Variants in NAALADL2 observed in about 807,000 individuals in gnomAD.
NAALADL2 encodes inactive N-acetylated-alpha-linked acidic dipeptidase-like protein 2.
Under a neutral mutation model 87.2 loss-of-function variants are expected in NAALADL2, and 76 were observed. The ratio of observed to expected loss-of-function variants is 0.87; its 90% CI spans 0.72 to 1.05. NAALADL2 has a LOEUF of 1.05. NAALADL2 is among the 50% of genes least tolerant of loss of function. NAALADL2 has a pLI of 0.00. For synonymous variants in NAALADL2, 354 were observed against 331.0 expected, an observed-to-expected ratio of 1.07 and a Z score of -0.75; for missense variants, 1,089 against 945.8, an observed-to-expected ratio of 1.15 and a Z score of -1.99.
chr3:174,497,061 G>C (rs1317044010), intron 1 of NAALADL2, among the ~76,000 whole-genome samples: 5 of 152,048 alleles, frequency 3.3e-5, no homozygotes, highest in Admixed American at 2.6e-4. Flanking sequence ...TTCCTAACTA[G>C]AGTCTTGTAG....
chr3:175,306,997 C>T (rs1262151719), intron 4 of NAALADL2, among the ~76,000 whole-genome samples: 1 of 152,122 alleles, frequency 6.6e-6, no homozygotes, highest in Non-Finnish European at 1.5e-5. Context: ...TCCTCATGTA[C>T]AAGAATTGGA....
intron 2 of NAALADL2, among the ~76,000 whole-genome samples, chr3:174,562,277 A>T (rs1244158730): frequency 6.6e-6 from 1 of 152,202 alleles, no homozygotes; most frequent in Non-Finnish European, 1.5e-5. Flanking sequence ...ACCTATTCAT[A>T]CAAGTTTGAT....
At chr3:175,641,972 G>C (rs1044878543) in intron 11 of NAALADL2, among the ~76,000 whole-genome samples, 1 of 152,060 alleles carries the variant, frequency 6.6e-6, no homozygotes, top group Non-Finnish European at 1.5e-5. Context: ...ACAAAAGAAA[G>C]TATACAGCAT....
chr3:175,483,341 T>A (rs1453632303), intron 9 of NAALADL2, among the ~76,000 whole-genome samples: 1 of 150,444 alleles, frequency 6.6e-6, no homozygotes, highest in Non-Finnish European at 1.5e-5. Flanking sequence ...TTTTTTTTTT[T>A]AACTTTCCTT....
Position 175,086,986 on chromosome 3 carries a change from TTA to T in NAALADL2, c.44-9802_44-9801del, listed in dbSNP as rs550723237. ...GAATTTTGTATTATTGAAAGAATAA[TTA>T]TGTTACTTTTTTCAGATAAAATTCT... is the stretch of plus-strand genomic sequence containing the variant. On this transcript the variant is annotated intron_variant, in intron 1 of 13. Coordinates refer to ENST00000454872, the MANE Select transcript of NAALADL2 (RefSeq NM_207015.3). 2.3e-3 allele frequency among the ~76,000 whole-genome samples: 343 copies of T among 152,246 alleles called. 3 individuals are homozygous for T. The highest frequency in any genetic ancestry group is 7.8e-3 in the African/African-American group (325 of 41,562).
intron 1 of NAALADL2, among the ~76,000 whole-genome samples, chr3:174,452,007 TA>T (rs945578277): frequency 4.7e-4 from 65 of 137,870 alleles, no homozygotes; most frequent in South Asian, 2.7e-4. Context: ...CATGCCTGGC[TA>T]ATTTTTTTTT....
At chr3:174,659,076 A>T (rs1277515263) in intron 2 of NAALADL2, among the ~76,000 whole-genome samples, 1 of 152,148 alleles carries the variant, frequency 6.6e-6, no homozygotes, top group Non-Finnish European at 1.5e-5. Flanking sequence ...GTAGTGATTA[A>T]TACTAATGTT....
At chr3:174,552,269 G>T (rs1394747211) in intron 2 of NAALADL2, among the ~76,000 whole-genome samples, 1 of 152,138 alleles carries the variant, frequency 6.6e-6, no homozygotes. Flanking sequence ...TACAATTCAG[G>T]AAGGTAATGC....
chr3:175,457,347 C>A (rs73884411), intron 6 of NAALADL2, among the ~76,000 whole-genome samples: 3,421 of 152,102 alleles, frequency 0.022, 130 homozygotes, highest in African/African-American at 0.078. Flanking sequence ...AAGGTGGTGG[C>A]CGCCAGGTCT....
chr3:175,062,429 A>T (rs920806095), intron 1 of NAALADL2, among the ~76,000 whole-genome samples: 1 of 148,328 alleles, frequency 6.7e-6, no homozygotes, highest in Middle Eastern at 3.3e-3. Context: ...TGTAATAATG[A>T]TTGTTATCAG....
intron 5 of NAALADL2, among the ~76,000 whole-genome samples, chr3:175,351,467 A>AT (rs5854625): frequency 0.49 from 73,936 of 151,232 alleles, 18,185 homozygotes; most frequent in Non-Finnish European, 0.51. Context: ...TTTCCAAATA[A>AT]TTTTTTTTTG....
At chr3:175,346,885 CAAAAT>C (rs1203514083) in intron 5 of NAALADL2, among the ~76,000 whole-genome samples, 1 of 152,074 alleles carries the variant, frequency 6.6e-6, no homozygotes, top group Non-Finnish European at 1.5e-5. Context: ...CTTTACAAAA[CAAAAT>C]AAAAATAATA....
At chr3:174,857,868 A>G (rs531215871), upstream of NAALADL2, among the ~76,000 whole-genome samples, 548 of 152,156 alleles carry the variant, frequency 3.6e-3, 6 homozygotes, top group Middle Eastern at 0.01. Context: ...CCCAATTGCA[A>G]TCAGAAATTT....
In NAALADL2 at chr3:175,463,701, G is replaced by GGAGAGAGAGAGAGAGAGAGAGAGA. The variant is rs10591566; in HGVS notation, c.1327+220_1327+243dup. 3.4e-3 allele frequency among the ~76,000 whole-genome samples: 389 copies of GGAGAGAGAGAGAGAGAGAGAGAGA among 115,452 alleles called. 11 individuals are homozygous for GGAGAGAGAGAGAGAGAGAGAGAGA. The highest frequency in any genetic ancestry group is 0.014 in the African/African-American group (356 of 25,318). The allele number at this position is 115,452 out of a possible 152,430, so 75.7% of individuals were successfully genotyped here. ...TCTTCTAAAATAAATCTTAGTCGGG[G>GGAGAGAGAGAGAGAGAGAGAGAGA]GAGAGAGAGAGAGAGAGAGAGAGAG... On this transcript the variant is annotated intron_variant, in intron 7 of 13. Transcript: ENST00000454872.
At chr3:175,759,087 A>G (rs1231601168) in intron 13 of NAALADL2, among the ~76,000 whole-genome samples, 1 of 152,160 alleles carries the variant, frequency 6.6e-6, no homozygotes, top group Non-Finnish European at 1.5e-5. Context: ...GAGGATTCAA[A>G]ATTTTGAATC....
chr3:175,649,944 T>C (rs1242721942), intron 11 of NAALADL2, among the ~76,000 whole-genome samples: 1 of 151,726 alleles, frequency 6.6e-6, no homozygotes, highest in South Asian at 2.1e-4. Flanking sequence ...TGGTACAATA[T>C]GGCAGTTTTT....
At chr3:174,906,222 T>G (rs1732940283) in intron 1 of NAALADL2, among the ~76,000 whole-genome samples, 1 of 152,136 alleles carries the variant, frequency 6.6e-6, no homozygotes, top group African/African-American at 2.4e-5. Context: ...TAATGAATCT[T>G]TTTAATGTAA....
At chr3:175,166,592 TTTC>T (rs1486278773) in intron 2 of NAALADL2, among the ~76,000 whole-genome samples, 1 of 151,930 alleles carries the variant, frequency 6.6e-6, no homozygotes, top group African/African-American at 2.4e-5. Flanking sequence ...TGGTTGGCCA[TTTC>T]TTCTTAGACT....
intron 9 of NAALADL2, among the ~76,000 whole-genome samples, chr3:175,514,294 G>T (rs1731555058): frequency 6.6e-6 from 1 of 152,102 alleles, no homozygotes; most frequent in Non-Finnish European, 1.5e-5. Flanking sequence ...GTTAGACAAT[G>T]AATATTATCA....
Sources: gnomAD v4.1 joint callset for allele counts (sites outside exome capture counted in the v4.1 genomes callset) on GRCh38, gnomAD v4.1.1 for gene constraint, MANE v1.5 for transcripts, NCBI Gene and HGNC (gene_info 2026-07-23, HGNC 2026-07-21) for gene names.